SLC9A5: variants seen among roughly 807,000 people sequenced by gnomAD.
The protein encoded by SLC9A5 is solute carrier family 9 member A5, also known as sodium/hydrogen exchanger 5.
Under a neutral mutation model 91.7 loss-of-function variants are expected in SLC9A5, and 52 were observed. The observed-to-expected ratio is 0.57, with a 90% CI of 0.45 to 0.71. The LOEUF (loss-of-function observed/expected upper bound fraction) is 0.71. Among genes scored for constraint, SLC9A5 ranks in the 30% least tolerant of loss-of-function variants. The probability of loss-of-function intolerance (pLI) is 0.00; values close to 1 mark genes in which losing one functional copy is unlikely to be tolerated. For synonymous variants in SLC9A5, 419 were observed against 474.5 expected (o/e 0.88, Z 1.52); for missense variants, 871 against 1,158.9 (o/e 0.75, Z 3.61).
chr16:67,251,771 T>C (rs2035131792), intron 1 of SLC9A5, among the ~76,000 whole-genome samples: 2 of 152,138 alleles, frequency 1.3e-5, no homozygotes, highest in Admixed American at 1.3e-4. Context: ...TCGTTTTTAC[T>C]CCCATTTCAC....
chr16:67,265,278 C>T, intron 14 of SLC9A5, 172 bp downstream of exon 14: 1 of 622,386 alleles, frequency 1.6e-6, no homozygotes, highest in Admixed American at 2.9e-5. Flanking sequence ...AGTTATTAGA[C>T]AATGCGTGAC....
rs1421178066 is a variant in SLC9A5 at position 67,266,257 on chromosome 16, T to C, written c.2218+32T>C. On this transcript the variant is annotated intron_variant, in intron 15 of 15. Transcript: ENST00000299798. ...GCTTCCTCCCTGCCCACCTCCCCTC[T>C]GGAGCAAGCTGGTTTCCTCTCTCTT... 2.6e-6 allele frequency: 4 copies of C among 1,555,418 alleles called. No individual in the cohort carries two copies. The South Asian group carries it at 4.9e-5, about 19-fold the overall frequency.
intron 2 of SLC9A5, among the ~76,000 whole-genome samples, chr16:67,253,513 TTTG>T (rs528539143): frequency 3.3e-5 from 5 of 151,956 alleles, no homozygotes; most frequent in Non-Finnish European, 5.9e-5. Context: ...GAGGTCCGTG[TTTG>T]TTGTTGTTGT....
intron 1 of SLC9A5, among the ~76,000 whole-genome samples, chr16:67,249,572 T>TG (rs1391423853): frequency 1.3e-5 from 2 of 152,184 alleles, no homozygotes; most frequent in Non-Finnish European, 2.9e-5. Flanking sequence ...TGAGGATGTG[T>TG]GGGGACATTG....
chr16:67,256,739 C>A lies in SLC9A5; in HGVS notation c.1132+50C>A. 6.9e-7 allele frequency: 1 copy of A among 1,450,152 alleles called. No individual in the cohort carries two copies. Among genetic ancestry groups the A allele is most frequent in the Non-Finnish European group, 9.7e-7 (1 of 1,036,156 alleles). The allele number at this position is 1,450,152 out of a possible 1,614,324, so 89.8% of individuals were successfully genotyped here. ...CCACTCTCCTTCCTGTCCCGCCCCT[C>A]CCTGCAGCTCATCTCCCTATCTGAG... is the stretch of plus-strand genomic sequence containing the variant. On this transcript the variant is annotated intron_variant, in intron 6 of 15. Coordinates refer to ENST00000299798, the MANE Select transcript of SLC9A5 (RefSeq NM_004594.3). This position sits in a 1 kb window ranked among gnomAD's most constrained non-coding sequence, Gnocchi z 4.1.
Position 67,256,583 on chromosome 16 carries a change from G to A in SLC9A5, c.1026G>A (p.Val342=). ...MKTLASCAET[V]IFMLLGISAV... ...CTCTAGCCAGCTGTGCTGAGACCGT[G>A]ATCTTCATGCTGCTTGGCATCTCAG... Residue 342 remains valine (V), a synonymous_variant, in exon 6 of 16, where the codon GTG becomes GTA. Transcript: ENST00000299798. The surrounding 1 kb of genome is among the most constrained non-coding windows in gnomAD (Gnocchi z 4.1). 6.2e-7 allele frequency: 1 copy of A among 1,614,152 alleles called. No individual in the cohort carries two copies. Among genetic ancestry groups the A allele is most frequent in the South Asian group, 1.1e-5 (1 of 91,084 alleles).
intron 12 of SLC9A5, chr16:67,263,054 C>G (rs2035582699): frequency 6.6e-6 from 1 of 152,562 alleles, no homozygotes. Context: ...AGGGCAGGAG[C>G]TTGAAAACAG....
chr16:67,256,968 T>C lies in SLC9A5; in HGVS notation c.1190T>C (p.Ile397Thr). The C allele has an allele frequency of 1.9e-6, 3 of 1,614,198 alleles. No individual in the cohort carries two copies. Among genetic ancestry groups the C allele is most frequent in the Non-Finnish European group, 2.5e-6 (3 of 1,180,034 alleles). Residue 397 changes from isoleucine (I) to threonine (T), a missense_variant, in exon 7 of 16, where the codon ATT becomes ACT. By Grantham distance (89) the Ile-to-Thr change is moderately conservative. Around this residue, in one of 3 missense-constraint regions of SLC9A5, gnomAD observed 454 missense variants for 718.3 expected, o/e 0.63. Transcript: ENST00000299798. This position sits in a 1 kb window ranked among gnomAD's most constrained non-coding sequence, Gnocchi z 4.1. The stretch of plus-strand genomic sequence containing the variant: ...TTCCGGCTAGTCCCTCTGGACAAGA[T>C]TGACCAAGTGGTGATGTCCTATGGG... ...NQFRLVPLDK[I>T]DQVVMSYGGL...
intron 12 of SLC9A5, chr16:67,262,575 A>T (rs2035566158): frequency 3.6e-6 from 1 of 278,926 alleles, no homozygotes; most frequent in South Asian, 3.7e-5. Context: ...CTGTGTTCTT[A>T]CTAAGTTCCC....
chr16:67,259,638 A>G lies in SLC9A5; in HGVS notation c.1692A>G (p.Ala564=). 1 of 1,614,164 alleles carries G rather than the reference A, an allele frequency of 6.2e-7. No individual in the cohort carries two copies. The highest frequency in any genetic ancestry group is 8.5e-7 in the Non-Finnish European group (1 of 1,180,024). The change falls in exon 11 of 16, where the codon GCA becomes GCG. Residue 564 remains alanine (A), a synonymous_variant. Transcript: ENST00000299798. ...LPSMPSRNSV[A]ETSVTNLLRE... is the part of the protein sequence containing the mutation. Reference sequence around the variant, plus strand: ...CTATGCCCAGCCGCAATTCTGTGGCAGAAACTTCTGTCACCAACCTGCTGT... The same window carrying G: ...CTATGCCCAGCCGCAATTCTGTGGCGGAAACTTCTGTCACCAACCTGCTGT...
rs1197583027 is a variant in SLC9A5, at chr16:67,256,472, G to C, written c.915G>C (p.Val305=). 8.1e-6 allele frequency: 13 copies of C among 1,607,190 alleles called. No homozygotes were observed. Among genetic ancestry groups the C allele is most frequent in the Non-Finnish European group, 1.1e-5 (13 of 1,178,314 alleles). Residue 305 remains valine, a synonymous_variant, in exon 6 of 16, where the codon GTG becomes GTC. Coordinates refer to ENST00000299798, the MANE Select transcript of SLC9A5 (RefSeq NM_004594.3). The surrounding 1 kb of genome is among the most constrained non-coding windows in gnomAD (Gnocchi z 4.1). ...EMASLSAILA[V]TMCGLGCKKY... ...ATGTCTCTCCATCCTCTCCCAGGGT[G>C]ACCATGTGTGGCCTGGGCTGTAAGA...
chr16:67,262,307 G>C, intron 12 of SLC9A5: 1 of 456,694 alleles, frequency 2.2e-6, no homozygotes, highest in South Asian at 1.6e-5. Flanking sequence ...AACTCAACCA[G>C]TTCTGAATCC....
At chr16:67,249,946 T>C (rs1461979325) in intron 1 of SLC9A5, among the ~76,000 whole-genome samples, 1 of 152,222 alleles carries the variant, frequency 6.6e-6, no homozygotes, top group Non-Finnish European at 1.5e-5. Flanking sequence ...TTGCATCTGC[T>C]CCTTCCTCCT....
At position 67,257,041 on chromosome 16, in the gene SLC9A5, G is replaced by C. The variant is rs373666711; in HGVS notation, c.1263G>C (p.Arg421Ser). The C allele has an allele frequency of 1.2e-6, 2 of 1,613,718 alleles. No individual in the cohort carries two copies. Among genetic ancestry groups the C allele is most frequent in the Non-Finnish European group, 8.5e-7 (1 of 1,180,020 alleles). ...VAFALVILLD[R>S]TKVPAKDYFV... ...TTGCTCTCGTCATCCTACTGGATAG[G>C]ACCAAGGTCCCTGCCAAGGACTACT... is the stretch of plus-strand genomic sequence containing the variant. The change falls in exon 7 of 16, where the codon AGG becomes AGC. Residue 421 changes from arginine (R) to serine (S), a missense_variant. This residue lies in a region of SLC9A5 where 454 missense variants were observed against 718.3 expected (regional missense o/e 0.63). Coordinates refer to ENST00000299798, the MANE Select transcript of SLC9A5 (RefSeq NM_004594.3). This position sits in a 1 kb window ranked among gnomAD's most constrained non-coding sequence, Gnocchi z 5.1.
At position 67,260,354 on chromosome 16, in the gene SLC9A5, CAA is replaced by C. The variant is rs397932908; in HGVS notation, c.1842+430_1842+431del. 9.0e-4 allele frequency among the ~76,000 whole-genome samples: 30 copies of C among 33,430 alleles called. No homozygotes were observed. In the South Asian group the frequency reaches 0.014, roughly 16 times the overall value. 21.9% of individuals were successfully genotyped at this position (33,430 alleles called of 152,430 possible). The stretch of plus-strand genomic sequence containing the variant: ...TGGGTAACAGAGCAAGACTCCATCT[CAA>C]AAAAAAAAAAAAAAAAAAAAAGAGT... On this transcript the variant is annotated intron_variant, in intron 12 of 15. Transcript: ENST00000299798.
chr16:67,268,940 C>T (rs2035833782), intron 15 of SLC9A5, among the ~76,000 whole-genome samples: 1 of 151,224 alleles, frequency 6.6e-6, no homozygotes, highest in African/African-American at 2.4e-5. Context: ...AGTAGCTGTC[C>T]CAAAATGTCA....
rs770134350 is a variant in SLC9A5 at position 67,256,732 on chromosome 16, C to G, written c.1132+43C>G. ...TGCTTTCCCACTCTCCTTCCTGTCC[C>G]GCCCCTCCCTGCAGCTCATCTCCCT... On this transcript the variant is annotated intron_variant, in intron 6 of 15. Coordinates refer to ENST00000299798, the MANE Select transcript of SLC9A5 (RefSeq NM_004594.3). This position sits in a 1 kb window ranked among gnomAD's most constrained non-coding sequence, Gnocchi z 4.1. 6.7e-7 allele frequency: 1 copy of G among 1,490,306 alleles called. No homozygotes were observed. Among genetic ancestry groups the G allele is most frequent in the African/African-American group, 1.4e-5 (1 of 72,578 alleles). 92.3% of individuals were successfully genotyped at this position (1,490,306 alleles called of 1,614,324 possible).
rs960638370 is a variant in SLC9A5 at position 67,252,141 on chromosome 16, C to T, written c.188-401C>T. Among the ~76,000 whole-genome samples the T allele has an allele frequency of 1.3e-5, 2 of 152,068 alleles. No individual in the cohort carries two copies. Among genetic ancestry groups the T allele is most frequent in the Admixed American group, 6.6e-5 (1 of 15,262 alleles). ...ATTCTAGAAGTCTTGCATATTTCTC[C>T]TCCCTTGGTCCCAGTCTTAGAAGGT... On this transcript the variant is annotated intron_variant, in intron 1 of 15. Coordinates refer to ENST00000299798, the MANE Select transcript of SLC9A5 (RefSeq NM_004594.3). This position sits in a 1 kb window ranked among gnomAD's most constrained non-coding sequence, Gnocchi z 4.0.
At chr16:67,264,876 G>T (rs1409355282) in intron 13 of SLC9A5, among the ~76,000 whole-genome samples, 164 bp from the exon 14 acceptor site, 2 of 152,174 alleles carry the variant, frequency 1.3e-5, no homozygotes, top group Non-Finnish European at 2.9e-5. Context: ...CTGGGGCATG[G>T]GTCACTCTTG....
Sources: gnomAD v4.1 joint callset for allele counts (sites outside exome capture counted in the v4.1 genomes callset) on GRCh38, gnomAD v4.1.1 for gene constraint, gnomAD v4.1.1 regional missense constraint, Gnocchi (gnomAD v3.1) non-coding constraint, MANE v1.5 for transcripts, NCBI Gene and HGNC (gene_info 2026-07-23, HGNC 2026-07-21) for gene names.